Variants in PTPRQ observed in about 807,000 individuals in gnomAD.
PTPRQ encodes phosphatidylinositol phosphatase PTPRQ.
In PTPRQ, 199 loss-of-function variants were observed where a neutral mutation model predicts 246.0. That is an observed-to-expected ratio of 0.81 (90% CI 0.72 to 0.91). PTPRQ has a LOEUF of 0.91. Ranked by LOEUF, PTPRQ falls within the 40% of genes least tolerant of loss-of-function variation. The pLI, the probability that PTPRQ is intolerant of heterozygous loss-of-function variation, is 0.00. For synonymous variants in PTPRQ, 869 were observed against 853.2 expected (o/e 1.02, Z -0.32); for missense variants, 2,624 against 2,528.4 (o/e 1.04, Z -0.81).
chr12:80,466,408 T>C (rs896185160), intron 6 of PTPRQ, among the ~76,000 whole-genome samples: 2 of 152,188 alleles, frequency 1.3e-5, no homozygotes, highest in African/African-American at 2.4e-5. Context: ...GAAGAATCAA[T>C]ATCATGAAAA....
At chr12:80,486,929 T>C (rs1197675798) in intron 9 of PTPRQ, among the ~76,000 whole-genome samples, 1 of 152,320 alleles carries the variant, frequency 6.6e-6, no homozygotes, top group East Asian at 1.9e-4. Context: ...TGCAATTTTA[T>C]GTACTGTGAC....
intron 7 of PTPRQ, among the ~76,000 whole-genome samples, chr12:80,469,093 A>G (rs756208394): frequency 1.4e-4 from 21 of 152,318 alleles, no homozygotes; most frequent in Non-Finnish European, 2.6e-4. Context: ...TAACTCCTCA[A>G]GAAAAAAGTG....
chr12:80,598,945 G>A (rs1898055121), intron 26 of PTPRQ, among the ~76,000 whole-genome samples: 1 of 151,944 alleles, frequency 6.6e-6, no homozygotes, highest in Non-Finnish European at 1.5e-5. Flanking sequence ...TCTGCAGATG[G>A]CAAAGTTACA....
At chr12:80,619,028 A>G (rs1354188905) in intron 30 of PTPRQ, among the ~76,000 whole-genome samples, 6 of 151,528 alleles carry the variant, frequency 4.0e-5, no homozygotes, top group African/African-American at 1.5e-4. Context: ...AGCTAAAAGA[A>G]GCAAAAGAAA....
At chr12:80,629,034 CTCTT>C (rs1389388932) in intron 33 of PTPRQ, among the ~76,000 whole-genome samples, 3 of 151,842 alleles carry the variant, frequency 2.0e-5, no homozygotes, top group Admixed American at 6.6e-5. Context: ...GGTGAGGGCT[CTCTT>C]TCTGGCTTAC....
At chr12:80,588,869 CG>C (rs1897703901) in intron 26 of PTPRQ, among the ~76,000 whole-genome samples, 1 of 152,184 alleles carries the variant, frequency 6.6e-6, no homozygotes, top group Admixed American at 6.5e-5. Context: ...CACACACACA[CG>C]TGTGACCACA....
chr12:80,542,158 A>T lies in PTPRQ; in HGVS notation c.3515A>T (p.Asp1172Val). 6.4e-7 allele frequency: 1 copy of T among 1,551,056 alleles called. No homozygotes were observed. Among genetic ancestry groups the T allele is most frequent in the Non-Finnish European group, 8.7e-7 (1 of 1,146,686 alleles). Residue 1172 changes from aspartate (D) to valine (V), a missense_variant, in exon 22 of 45, where the codon GAT (aspartate) becomes GTT (valine). By Grantham distance (152) the Asp-to-Val change is radical. Transcript: ENST00000644991. ...TCTACCTCAGTTCTCTTATCATGGG[A>T]TCCCCCAGTAAAGCCAAATGGTGCA... The part of the protein sequence containing the change: ...LSSTSVLLSW[D>V]PPVKPNGAII...
intron 25 of PTPRQ, among the ~76,000 whole-genome samples, chr12:80,550,517 G>A (rs1033214890): frequency 2.6e-5 from 4 of 152,028 alleles, no homozygotes; most frequent in Non-Finnish European, 4.4e-5. Flanking sequence ...CATTCTTCCA[G>A]TGCAACATTT....
At chr12:80,559,055 CT>C (rs1565786163) in intron 25 of PTPRQ, among the ~76,000 whole-genome samples, 1 of 151,956 alleles carries the variant, frequency 6.6e-6, no homozygotes, top group East Asian at 1.9e-4. Flanking sequence ...TCTTTCTTTT[CT>C]TTTTTTGAGA....
chr12:80,660,709 A>G (rs540914748), intron 39 of PTPRQ, among the ~76,000 whole-genome samples: 1 of 152,126 alleles, frequency 6.6e-6, no homozygotes, highest in Non-Finnish European at 1.5e-5. Context: ...TTGCAGTAAC[A>G]TTAGAAACAT....
In PTPRQ at chr12:80,527,248, T is replaced by C. The variant is rs143114556; in HGVS notation, c.2679-6767T>C. 5.3e-5 allele frequency among the ~76,000 whole-genome samples: 8 copies of C among 152,246 alleles called. 2 individuals carry two copies. Among genetic ancestry groups the C allele is most frequent in the African/African-American group, 1.7e-4 (7 of 41,574 alleles). ...AGAAAAATGTTTTGAAAAATATTTA[T>C]ACTATGTAAACCCTGTCAAGTAATT... On this transcript the variant is annotated intron_variant, in intron 17 of 44. Transcript: ENST00000644991.
intron 16 of PTPRQ, among the ~76,000 whole-genome samples, chr12:80,509,223 C>T (rs983044759): frequency 6.6e-6 from 1 of 151,940 alleles, no homozygotes; most frequent in Non-Finnish European, 1.5e-5. Flanking sequence ...CTTTCTGCTG[C>T]TCAATAAAAT....
chr12:80,664,610 T>A (rs1900730101), intron 39 of PTPRQ, among the ~76,000 whole-genome samples: 1 of 152,088 alleles, frequency 6.6e-6, no homozygotes, highest in African/African-American at 2.4e-5. Context: ...TTCTTTATTG[T>A]TCTTTTTATT....
Position 80,578,124 on chromosome 12 carries a change from GT to G in PTPRQ, c.4286-10002del, listed in dbSNP as rs1201601346. Among the ~76,000 whole-genome samples the G allele has an allele frequency of 3.6e-4, 54 of 151,290 alleles. 1 individual carries two copies. The highest frequency in any genetic ancestry group is 1.3e-3 in the African/African-American group (54 of 41,102). On this transcript the variant is annotated intron_variant, in intron 25 of 44. Coordinates refer to ENST00000644991, the MANE Select transcript of PTPRQ (RefSeq NM_001145026.2). ...TAGGGTACATGTGCACAACGTGCAG[GT>G]TTGTTACATATGTATACATGTGCCA...
At chr12:80,535,501 G>A (rs1895960043) in intron 19 of PTPRQ, among the ~76,000 whole-genome samples, 1 of 151,890 alleles carries the variant, frequency 6.6e-6, no homozygotes, top group Admixed American at 6.6e-5. Context: ...TAGCAGGAAG[G>A]GTTATTATAA....
In PTPRQ at chr12:80,564,239, T is replaced by C. The variant is rs146870448; in HGVS notation, c.4285+14505T>C. 2.2e-4 allele frequency among the ~76,000 whole-genome samples: 33 copies of C among 152,258 alleles called. No homozygotes were observed. In the East Asian group the frequency reaches 5.6e-3, roughly 26 times the overall value. ...GAGCAGATTTTTATGGGGGCTTTTTTTGGTCAGTTGGTTGGTATTTCCAGA... is the reference window on the plus strand; with the variant it reads ...GAGCAGATTTTTATGGGGGCTTTTTCTGGTCAGTTGGTTGGTATTTCCAGA... On this transcript the variant is annotated intron_variant, in intron 25 of 44. Coordinates refer to ENST00000644991, the MANE Select transcript of PTPRQ (RefSeq NM_001145026.2).
intron 42 of PTPRQ, 47 bp from the exon 43 acceptor site, chr12:80,673,121 GA>G: frequency 6.5e-7 from 1 of 1,543,390 alleles, no homozygotes; most frequent in Non-Finnish European, 8.7e-7. Context: ...CCATCAAAAT[GA>G]ACAACCCTTT....
chr12:80,621,984 A>G (rs1251925310), intron 32 of PTPRQ, 77 bp from the exon 33 acceptor site: 2 of 1,013,746 alleles, frequency 2.0e-6, no homozygotes, highest in Non-Finnish European at 2.7e-6. Context: ...AATAGTTTTT[A>G]TAATTACTTC....
intron 26 of PTPRQ, among the ~76,000 whole-genome samples, chr12:80,597,363 G>A (rs189085541): frequency 8.6e-5 from 13 of 152,046 alleles, no homozygotes; most frequent in African/African-American, 2.9e-4. Flanking sequence ...TGAAAATGGT[G>A]ATATTTTATG....
Sources: allele counts gnomAD v4.1 joint callset (sites outside exome capture counted in the v4.1 genomes callset), GRCh38; gene constraint gnomAD v4.1.1; transcripts MANE v1.5; gene names NCBI Gene and HGNC (gene_info 2026-07-23, HGNC 2026-07-21).